Variants in FAR2 observed in about 807,000 individuals in gnomAD.
The protein encoded by FAR2 is epididymis secretory protein Li 81.
In FAR2, 19 loss-of-function variants were observed where a neutral mutation model predicts 56.0. The ratio of observed to expected loss-of-function variants is 0.34; its 90% CI spans 0.24 to 0.50. The LOEUF (loss-of-function observed/expected upper bound fraction) is 0.50. FAR2 is among the 20% of genes least tolerant of loss of function. The pLI, the probability that FAR2 is intolerant of heterozygous loss-of-function variation, is 0.98. For synonymous variants in FAR2, 219 were observed against 218.8 expected (o/e 1.00, Z -0.01); for missense variants, 508 against 642.2 (o/e 0.79, Z 2.26).
intron 1 of FAR2, among the ~76,000 whole-genome samples, chr12:29,268,661 C>T (rs969348850): frequency 2.6e-5 from 4 of 152,180 alleles, no homozygotes; most frequent in African/African-American, 9.7e-5. Flanking sequence ...GACCTAGACA[C>T]ATTTTCAACT....
chr12:29,165,288 A>G (rs1311366470), intron 1 of FAR2, among the ~76,000 whole-genome samples: 1 of 152,222 alleles, frequency 6.6e-6, no homozygotes, highest in Non-Finnish European at 1.5e-5. Context: ...AAAGAAGGAA[A>G]TACTCTAAGG....
chr12:29,150,887 G>A (rs1307105921), intron 1 of FAR2, among the ~76,000 whole-genome samples: 1 of 152,032 alleles, frequency 6.6e-6, no homozygotes, highest in African/African-American at 2.4e-5. Context: ...ACCATGAGTT[G>A]GTAAATCATA....
chr12:29,313,646 T>C (rs1949391278), intron 8 of FAR2, among the ~76,000 whole-genome samples: 1 of 152,090 alleles, frequency 6.6e-6, no homozygotes, highest in South Asian at 2.1e-4. Flanking sequence ...TTTTAGTAAA[T>C]TATATTTGTC....
intron 1 of FAR2, among the ~76,000 whole-genome samples, chr12:29,168,056 T>C (rs1290462030): frequency 6.6e-6 from 1 of 152,166 alleles, no homozygotes; most frequent in Non-Finnish European, 1.5e-5. Context: ...AATAGTTTTT[T>C]TACGCAGGAT....
intron 1 of FAR2, among the ~76,000 whole-genome samples, chr12:29,190,247 T>G (rs1306160878): frequency 6.6e-6 from 1 of 151,940 alleles, no homozygotes; most frequent in African/African-American, 2.4e-5. Flanking sequence ...AATTATAGTG[T>G]TATCAGCATA....
chr12:29,170,172 G>A (rs1306735828), intron 1 of FAR2, among the ~76,000 whole-genome samples: 1 of 152,212 alleles, frequency 6.6e-6, no homozygotes, highest in African/African-American at 2.4e-5. Flanking sequence ...CAGTTGTTAG[G>A]CAATTTTCCT....
chr12:29,301,104 C>A (rs1344699398), intron 4 of FAR2, among the ~76,000 whole-genome samples: 1 of 152,164 alleles, frequency 6.6e-6, no homozygotes, highest in African/African-American at 2.4e-5. Flanking sequence ...TATCTAAAAA[C>A]TTTTAGCATT....
At chr12:29,202,552 A>T (rs568869201) in intron 1 of FAR2, among the ~76,000 whole-genome samples, 1 of 152,308 alleles carries the variant, frequency 6.6e-6, no homozygotes, top group East Asian at 1.9e-4. Context: ...TCCAAATCTC[A>T]TGGTAAAATG....
intron 1 of FAR2, among the ~76,000 whole-genome samples, chr12:29,208,202 T>A (rs1189313938): frequency 6.6e-6 from 1 of 152,226 alleles, no homozygotes; most frequent in African/African-American, 2.4e-5. Context: ...AACTACATTC[T>A]AAAAGCAACG....
chr12:29,235,530 T>A (rs1229767648), intron 1 of FAR2, among the ~76,000 whole-genome samples: 1 of 152,204 alleles, frequency 6.6e-6, no homozygotes, highest in African/African-American at 2.4e-5. Flanking sequence ...AGAGGCACAC[T>A]GAGAATTCCA....
intron 1 of FAR2, among the ~76,000 whole-genome samples, chr12:29,213,786 G>T (rs577310806): frequency 6.6e-6 from 1 of 151,426 alleles, no homozygotes; most frequent in Non-Finnish European, 1.5e-5. Context: ...AATGTGTGCC[G>T]CAGTCAACCT....
chr12:29,273,238 G>A (rs1318270191), intron 2 of FAR2, among the ~76,000 whole-genome samples: 1 of 152,190 alleles, frequency 6.6e-6, no homozygotes, highest in Non-Finnish European at 1.5e-5. Context: ...CTACCAGGAG[G>A]AGAGGCTAAG....
chr12:29,266,679 A>G (rs1454157958), intron 1 of FAR2, among the ~76,000 whole-genome samples: 2 of 152,136 alleles, frequency 1.3e-5, no homozygotes, highest in Admixed American at 6.5e-5. Context: ...GAATGGATAA[A>G]TGCTTGAGGT....
At chr12:29,277,500 A>G (rs956096596) in intron 2 of FAR2, 2 of 152,234 alleles carry the variant, frequency 1.3e-5, no homozygotes, top group African/African-American at 4.8e-5. Context: ...CAGGCATGGA[A>G]TTGGCCTCAC....
At chr12:29,221,581 A>AT (rs1313069719) in intron 1 of FAR2, among the ~76,000 whole-genome samples, 1 of 151,950 alleles carries the variant, frequency 6.6e-6, no homozygotes, top group Non-Finnish European at 1.5e-5. Flanking sequence ...CATCTATTCG[A>AT]TTTCTCTTTT....
intron 1 of FAR2, among the ~76,000 whole-genome samples, chr12:29,205,823 A>G (rs1183808874): frequency 1.5e-5 from 2 of 135,694 alleles, no homozygotes; most frequent in African/African-American, 5.3e-5. Flanking sequence ...GAGGTCCGGA[A>G]CTTATTCTTG....
chr12:29,305,326 C>A (rs974646655), intron 4 of FAR2, among the ~76,000 whole-genome samples: 5 of 151,726 alleles, frequency 3.3e-5, no homozygotes, highest in African/African-American at 1.2e-4. Context: ...TTTGTAGAGG[C>A]AGGGTGTTAT....
At chr12:29,203,857 G>A (rs904950085) in intron 1 of FAR2, among the ~76,000 whole-genome samples, 49 of 151,854 alleles carry the variant, frequency 3.2e-4, no homozygotes, top group South Asian at 1.0e-3. Flanking sequence ...AAAATTAGCC[G>A]GGCGTGGTGG....
At chr12:29,309,093 T>G (rs1237651869) in intron 5 of FAR2, 93 bp from the exon 6 acceptor site, 1 of 874,048 alleles carries the variant, frequency 1.1e-6, no homozygotes, top group Admixed American at 1.9e-5. Context: ...CTCAGTGCTC[T>G]TGTTTGAAAT....
Sources: allele counts gnomAD v4.1 joint callset (sites outside exome capture counted in the v4.1 genomes callset), GRCh38; gene constraint gnomAD v4.1.1; transcripts MANE v1.5; gene names NCBI Gene and HGNC (gene_info 2026-07-23, HGNC 2026-07-21).